Variants in WWC2 observed in about 807,000 individuals in gnomAD.
WWC2 encodes WW and C2 domain containing 2, also known as protein WWC2.
In WWC2, 101 loss-of-function variants were observed where a neutral mutation model predicts 138.5. The ratio of observed to expected loss-of-function variants is 0.73; its 90% confidence interval spans 0.62 to 0.86. The LOEUF (loss-of-function observed/expected upper bound fraction) is 0.86, where lower values mean the gene tolerates loss of function less well. WWC2 is among the 40% of genes least tolerant of loss of function. The pLI is 0.00. For missense variants in WWC2, 1,420 were observed against 1,419.4 expected (o/e 1.00, Z -0.01); for synonymous variants, 558 against 538.4 (o/e 1.04, Z -0.50).
intron 4 of WWC2, among the ~76,000 whole-genome samples, chr4:183,234,256 G>A (rs1736345664): frequency 6.6e-6 from 1 of 152,162 alleles, no homozygotes. Flanking sequence ...AGTTGCTTTA[G>A]CGTAGTTAGT....
chr4:183,296,568 C>T (rs1269802990), intron 21 of WWC2, among the ~76,000 whole-genome samples: 1 of 152,066 alleles, frequency 6.6e-6, no homozygotes, highest in Non-Finnish European at 1.5e-5. Flanking sequence ...GATACCTGTG[C>T]ATAATTCTGG....
At chr4:183,218,934 C>T (rs894225095) in intron 4 of WWC2, among the ~76,000 whole-genome samples, 9 of 152,096 alleles carry the variant, frequency 5.9e-5, no homozygotes, top group African/African-American at 1.7e-4. Flanking sequence ...TATTACATAC[C>T]TACAACCTAT....
At chr4:183,259,926 T>C (rs1737271384) in intron 10 of WWC2, among the ~76,000 whole-genome samples, 198 bp downstream of exon 10, 1 of 152,228 alleles carries the variant, frequency 6.6e-6, no homozygotes, top group East Asian at 1.9e-4. Flanking sequence ...ACATTTGAAA[T>C]ATGTTATAGA....
At chr4:183,135,157 G>A (rs1012254616) in intron 1 of WWC2, among the ~76,000 whole-genome samples, 24 of 152,170 alleles carry the variant, frequency 1.6e-4, no homozygotes, top group African/African-American at 5.8e-4. Flanking sequence ...GACCTCAGGT[G>A]ATCCACCCAC....
intron 11 of WWC2, among the ~76,000 whole-genome samples, chr4:183,262,014 A>C (rs1160341367): frequency 6.6e-6 from 1 of 152,214 alleles, no homozygotes. Context: ...TTCTGGCGAA[A>C]AGTTAATTTA....
chr4:183,281,454 C>T (rs1184351903), intron 17 of WWC2: 1 of 152,798 alleles, frequency 6.5e-6, no homozygotes, highest in Non-Finnish European at 1.5e-5. Context: ...AGCTCTCCTT[C>T]CTGGATTGTA....
At chr4:183,244,799 G>T (rs923424404) in intron 5 of WWC2, among the ~76,000 whole-genome samples, 7 of 152,098 alleles carry the variant, frequency 4.6e-5, no homozygotes, top group Non-Finnish European at 8.8e-5. Context: ...ATTTGCCCAC[G>T]TCTTTTACCT....
chr4:183,240,199 G>A lies in WWC2; in HGVS notation c.539G>A (p.Arg180Lys). Reference sequence around the variant, plus strand: ...TCTTTAAAGGTTAAAAAGCTAAAGAGAGAGCTCTCACAGATGAAGCAGGAA... The same window carrying A: ...TCTTTAAAGGTTAAAAAGCTAAAGAAAGAGCTCTCACAGATGAAGCAGGAA... Reference protein sequence around the residue: ...TTRLRVKKLKRELSQMKQELL... With the variant: ...TTRLRVKKLKKELSQMKQELL... Residue 180 changes from arginine (R) to lysine (K), a missense_variant, in exon 5 of 23, where the codon AGA (arginine) becomes AAA (lysine). Transcript: ENST00000403733. The A allele has an allele frequency of 6.5e-7, 1 of 1,550,342 alleles. No individual in the cohort carries two copies. The highest frequency in any genetic ancestry group is 2.0e-5 in the Admixed American group (1 of 50,382).
chr4:183,135,863 A>G (rs999201975), intron 1 of WWC2, among the ~76,000 whole-genome samples: 2 of 152,142 alleles, frequency 1.3e-5, no homozygotes, highest in African/African-American at 4.8e-5. Flanking sequence ...CTCACAGTAC[A>G]CTGTTGATAC....
intron 4 of WWC2, among the ~76,000 whole-genome samples, chr4:183,211,037 T>G (rs1735582988): frequency 6.6e-6 from 1 of 152,232 alleles, no homozygotes; most frequent in South Asian, 2.1e-4. Flanking sequence ...AGTTTTGAAT[T>G]TTATATTTCC....
intron 21 of WWC2, among the ~76,000 whole-genome samples, chr4:183,302,716 A>AT (rs1738887901): frequency 6.6e-6 from 1 of 152,140 alleles, no homozygotes; most frequent in African/African-American, 2.4e-5. Flanking sequence ...GCCAACTCAC[A>AT]TATTTGTAAG....
intron 9 of WWC2, among the ~76,000 whole-genome samples, chr4:183,257,345 C>T (rs1021850890): frequency 7.2e-5 from 11 of 152,092 alleles, no homozygotes; most frequent in Non-Finnish European, 1.5e-4. Context: ...ATGAAATTTT[C>T]CCTAGGTGCA....
At chr4:183,119,609 A>G (rs1732536292) in intron 1 of WWC2, among the ~76,000 whole-genome samples, 1 of 152,214 alleles carries the variant, frequency 6.6e-6, no homozygotes, top group Non-Finnish European at 1.5e-5. Flanking sequence ...ATGTTGGAAA[A>G]CAGTGAGTTT....
chr4:183,176,947 C>T (rs985891346), intron 1 of WWC2, among the ~76,000 whole-genome samples: 3 of 152,040 alleles, frequency 2.0e-5, no homozygotes, highest in Admixed American at 6.6e-5. Flanking sequence ...ACTTAGTGTA[C>T]GGTTGAAGGA....
At chr4:183,239,733 T>C (rs1736556647) in intron 4 of WWC2, among the ~76,000 whole-genome samples, 2 of 152,018 alleles carry the variant, frequency 1.3e-5, no homozygotes, top group Admixed American at 6.5e-5. Context: ...TCAGCTAGCA[T>C]TGGAGGGACA....
At chr4:183,129,855 A>G (rs1281408738) in intron 1 of WWC2, among the ~76,000 whole-genome samples, 2 of 152,192 alleles carry the variant, frequency 1.3e-5, no homozygotes, top group East Asian at 1.9e-4. Context: ...GTCTGCAGTC[A>G]TGTGATCACT....
intron 21 of WWC2, among the ~76,000 whole-genome samples, chr4:183,300,143 G>A (rs1012422349): frequency 1.3e-5 from 2 of 151,908 alleles, no homozygotes; most frequent in African/African-American, 4.8e-5. Flanking sequence ...TAAATCACTG[G>A]GCCTCTCTGC....
At chr4:183,161,743 G>A (rs1239112126) in intron 1 of WWC2, among the ~76,000 whole-genome samples, 2 of 152,134 alleles carry the variant, frequency 1.3e-5, no homozygotes, top group Non-Finnish European at 2.9e-5. Flanking sequence ...GCCTAGGAGC[G>A]AAAGGCCTTT....
At chr4:183,203,177 C>CTTT (rs35722099) in intron 2 of WWC2, among the ~76,000 whole-genome samples, 52 of 139,192 alleles carry the variant, frequency 3.7e-4, no homozygotes, top group African/African-American at 1.3e-3. Context: ...AATTCATTTG[C>CTTT]TTTTTTTTTT....
Sources: gnomAD v4.1 joint callset for allele counts (sites outside exome capture counted in the v4.1 genomes callset) on GRCh38, gnomAD v4.1.1 for gene constraint, MANE v1.5 for transcripts, NCBI Gene and HGNC (gene_info 2026-07-23, HGNC 2026-07-21) for gene names.